The following CDK14 variants were observed in gnomAD, a reference collection of about 807,000 sequenced individuals.
CDK14 encodes the protein cyclin-dependent kinase 14.
A neutral mutation model predicts 60.7 loss-of-function variants in CDK14; 34 were observed. The ratio of observed to expected loss-of-function variants is 0.56; its 90% CI spans 0.43 to 0.75. The LOEUF is 0.75. Among genes scored for constraint, CDK14 ranks in the 30% least tolerant of loss-of-function variants. The pLI is 0.00. For missense variants in CDK14, 482 were observed against 564.1 expected, an observed-to-expected ratio of 0.85 and a Z score of 1.47; for synonymous variants, 197 against 203.7, an observed-to-expected ratio of 0.97 and a Z score of 0.28.
chr7:90,929,362 T>G (rs1793521558), intron 8 of CDK14, among the ~76,000 whole-genome samples: 1 of 152,226 alleles, frequency 6.6e-6, no homozygotes, highest in Non-Finnish European at 1.5e-5. Context: ...CTGTTTTAAA[T>G]GGACTGATTT....
At chr7:91,110,615 A>G (rs573075476) in intron 12 of CDK14, among the ~76,000 whole-genome samples, 2 of 152,314 alleles carry the variant, frequency 1.3e-5, no homozygotes, top group African/African-American at 4.8e-5. Flanking sequence ...AACTATCGCA[A>G]TCACCTTTCT....
At chr7:90,720,324 G>A (rs1802401995) in intron 2 of CDK14, among the ~76,000 whole-genome samples, 1 of 152,096 alleles carries the variant, frequency 6.6e-6, no homozygotes, top group African/African-American at 2.4e-5. Context: ...TGGCTTGGTG[G>A]GAGGAAGGTT....
At chr7:90,658,842 G>T (rs976975920) in intron 2 of CDK14, among the ~76,000 whole-genome samples, 45 of 152,190 alleles carry the variant, frequency 3.0e-4, no homozygotes, top group African/African-American at 9.9e-4. Context: ...GTGTCATATG[G>T]TAACTATGAT....
intron 5 of CDK14, among the ~76,000 whole-genome samples, chr7:90,850,590 C>T (rs1223266448): frequency 1.3e-5 from 2 of 151,896 alleles, no homozygotes; most frequent in African/African-American, 2.4e-5. Context: ...TTGGTGAGGC[C>T]CAGAAGCTGT....
chr7:90,665,728 T>C (rs530047809), intron 2 of CDK14, among the ~76,000 whole-genome samples: 2 of 152,348 alleles, frequency 1.3e-5, no homozygotes, highest in African/African-American at 4.8e-5. Flanking sequence ...ACTACACATT[T>C]AAAAATTTCT....
At chr7:91,175,512 G>C (rs1801704347) in intron 14 of CDK14, among the ~76,000 whole-genome samples, 1 of 152,056 alleles carries the variant, frequency 6.6e-6, no homozygotes, top group Non-Finnish European at 1.5e-5. Flanking sequence ...ACACAGACTG[G>C]CAAATTGAAT....
In CDK14 at chr7:90,605,104, C is replaced by T. The variant is rs554320720; in HGVS notation, c.123+855C>T. On this transcript the variant is annotated intron_variant, in intron 2 of 14. Coordinates refer to ENST00000380050, the MANE Select transcript of CDK14 (RefSeq NM_001287135.2). Reference sequence around the variant, plus strand: ...GTGGTTTGGTTTGTTTTAATAGTTACATATTCCATGAAATATGCTACCTGT... The same window carrying T: ...GTGGTTTGGTTTGTTTTAATAGTTATATATTCCATGAAATATGCTACCTGT... 1.2e-4 allele frequency among the ~76,000 whole-genome samples: 18 copies of T among 152,310 alleles called. No homozygotes were observed. The South Asian group carries it at 3.7e-3, about 32-fold the overall frequency.
At chr7:90,763,920 A>G (rs1031941044) in intron 4 of CDK14, among the ~76,000 whole-genome samples, 1 of 152,148 alleles carries the variant, frequency 6.6e-6, no homozygotes, top group African/African-American at 2.4e-5. Context: ...TTTCATGATT[A>G]TTAATAGTGC....
chr7:91,156,603 C>A (rs1800991888), intron 14 of CDK14, among the ~76,000 whole-genome samples: 1 of 152,146 alleles, frequency 6.6e-6, no homozygotes, highest in African/African-American at 2.4e-5. Flanking sequence ...CCAACCCATC[C>A]CCAAATCCAG....
intron 5 of CDK14, among the ~76,000 whole-genome samples, chr7:90,822,931 G>A (rs1789600635): frequency 1.3e-5 from 2 of 152,216 alleles, no homozygotes; most frequent in South Asian, 2.1e-4. Flanking sequence ...CTTATGATTT[G>A]TGCTTCCTTG....
At chr7:91,062,631 C>G (rs1214609754) in intron 11 of CDK14, among the ~76,000 whole-genome samples, 2 of 152,182 alleles carry the variant, frequency 1.3e-5, no homozygotes, top group African/African-American at 4.8e-5. Flanking sequence ...GTTTGCATTG[C>G]ATAGCTCTTT....
At chr7:90,819,908 G>T (rs1011742375) in intron 5 of CDK14, among the ~76,000 whole-genome samples, 2 of 152,078 alleles carry the variant, frequency 1.3e-5, no homozygotes, top group African/African-American at 4.8e-5. Context: ...ATGTTTTAAA[G>T]GTTATCAGTT....
intron 8 of CDK14, among the ~76,000 whole-genome samples, chr7:90,943,816 G>A (rs892117085): frequency 1.2e-4 from 18 of 152,192 alleles, no homozygotes; most frequent in Admixed American, 7.9e-4. Flanking sequence ...GAGATGTTCT[G>A]GATGAGTTGG....
At chr7:90,626,133 T>C (rs184436393) in intron 2 of CDK14, among the ~76,000 whole-genome samples, 10 of 152,306 alleles carry the variant, frequency 6.6e-5, no homozygotes, top group Admixed American at 6.5e-4. Flanking sequence ...ACTTTCCCAT[T>C]TACTTAGAGG....
chr7:90,979,648 A>G (rs1795176721), intron 9 of CDK14: 1 of 152,208 alleles, frequency 6.6e-6, no homozygotes, highest in South Asian at 2.1e-4. Flanking sequence ...GCAGAGAAAA[A>G]AATTCTAAAC....
chr7:90,779,822 AG>A (rs895989104), intron 4 of CDK14, among the ~76,000 whole-genome samples: 15 of 152,242 alleles, frequency 9.9e-5, no homozygotes, highest in African/African-American at 3.4e-4. Context: ...ACATGTAAAA[AG>A]TTAAATGTTC....
intron 10 of CDK14, among the ~76,000 whole-genome samples, chr7:91,023,317 T>C (rs1251389896): frequency 6.6e-6 from 1 of 152,112 alleles, no homozygotes; most frequent in African/African-American, 2.4e-5. Flanking sequence ...CTAAGTTTGG[T>C]TTTTGTTGGT....
intron 10 of CDK14, among the ~76,000 whole-genome samples, chr7:90,995,178 T>C (rs1374418545): frequency 1.3e-5 from 2 of 152,212 alleles, no homozygotes; most frequent in African/African-American, 4.8e-5. Context: ...TGTTACTTCT[T>C]GCTCACTTTG....
intron 2 of CDK14, among the ~76,000 whole-genome samples, chr7:90,723,289 A>T (rs949449590): frequency 1.3e-5 from 2 of 152,210 alleles, no homozygotes; most frequent in Non-Finnish European, 2.9e-5. Flanking sequence ...ATACATTTTT[A>T]AAAAATCTTA....
Sources: gnomAD v4.1 joint callset for allele counts (sites outside exome capture counted in the v4.1 genomes callset) on GRCh38, gnomAD v4.1.1 for gene constraint, MANE v1.5 for transcripts, NCBI Gene and HGNC (gene_info 2026-07-23, HGNC 2026-07-21) for gene names.